Variants in RAPGEF2 observed in about 807,000 individuals in gnomAD.
RAPGEF2 encodes PDZ domain containing guanine nucleotide exchange factor (GEF) 1.
In RAPGEF2, 54 loss-of-function variants were observed where a neutral mutation model predicts 186.7. The ratio of observed to expected loss-of-function variants is 0.29; its 90% CI spans 0.23 to 0.36. RAPGEF2 has a LOEUF of 0.36. RAPGEF2 is among the 10% of genes least tolerant of loss of function. The pLI is 1.00. For missense variants in RAPGEF2, 1,532 were observed against 2,045.0 expected (o/e 0.75, Z 4.84); for synonymous variants, 712 against 705.9 (o/e 1.01, Z -0.14).
At chr4:159,223,336 A>G (rs1400907477) in intron 4 of RAPGEF2, among the ~76,000 whole-genome samples, 1 of 152,088 alleles carries the variant, frequency 6.6e-6, no homozygotes, top group African/African-American at 2.4e-5. Context: ...ACTTCTATCT[A>G]CTTTATTGAG....
intron 10 of RAPGEF2, 65 bp downstream of exon 10, chr4:159,322,548 C>A: frequency 2.2e-6 from 3 of 1,391,284 alleles, no homozygotes; most frequent in Non-Finnish European, 3.0e-6. Flanking sequence ...AGCAATTGAA[C>A]AAAACCCCAA....
intron 3 of RAPGEF2, among the ~76,000 whole-genome samples, chr4:159,202,050 C>T (rs1284747915): frequency 6.6e-6 from 1 of 152,160 alleles, no homozygotes; most frequent in Non-Finnish European, 1.5e-5. Context: ...GTATTTGATG[C>T]TATATGTGGT....
Position 159,341,903 on chromosome 4 carries a change from C to T in RAPGEF2, c.2874C>T (p.His958=), listed in dbSNP as rs1343259062. 7 of 1,605,454 alleles carry T rather than the reference C, an allele frequency of 4.4e-6. No individual in the cohort carries two copies. Among genetic ancestry groups the T allele is most frequent in the Admixed American group, 3.5e-5 (2 of 57,950 alleles). ...IIKHFIKIAL[H]CRECKNFNSM... ...AGCATTTCATCAAGATAGCACTGCA[C>T]TGTAGGGAATGCAAGAATTTTAACT... is the stretch of plus-strand genomic sequence containing the variant. The change falls in exon 20 of 30, where the codon CAC becomes CAT. Residue 958 remains histidine (H), a synonymous_variant. Coordinates refer to ENST00000691494, the MANE Select transcript of RAPGEF2 (RefSeq NM_001394067.2).
intron 26 of RAPGEF2, chr4:159,351,116 C>T: frequency 6.5e-7 from 1 of 1,535,138 alleles, no homozygotes; most frequent in Non-Finnish European, 8.7e-7. Flanking sequence ...TTAACCAGTT[C>T]CTCCTCTTCT....
intron 7 of RAPGEF2, among the ~76,000 whole-genome samples, chr4:159,263,741 G>A (rs182648924): frequency 3.9e-5 from 6 of 152,094 alleles, no homozygotes; most frequent in African/African-American, 1.4e-4. Context: ...CACTGTATAT[G>A]TTCTAAGTGT....
chr4:159,210,013 G>A (rs997174431), intron 3 of RAPGEF2, among the ~76,000 whole-genome samples: 1 of 152,082 alleles, frequency 6.6e-6, no homozygotes, highest in African/African-American at 2.4e-5. Context: ...TGTCTTTTCT[G>A]TAACAAAGAA....
At chr4:159,181,919 G>A (rs1171227098) in intron 1 of RAPGEF2, among the ~76,000 whole-genome samples, 1 of 152,104 alleles carries the variant, frequency 6.6e-6, no homozygotes, top group Non-Finnish European at 1.5e-5. Flanking sequence ...TGAACTTTAG[G>A]ATTATCCAGA....
chr4:159,358,078 T>G (rs767865338), intron 29 of RAPGEF2, 36 bp from the exon 30 acceptor site: 2 of 1,603,896 alleles, frequency 1.2e-6, no homozygotes, highest in Non-Finnish European at 1.7e-6. Context: ...ACTTGCTTGC[T>G]CATTGATTTC....
At chr4:159,112,044 T>G (rs1738551805) in intron 1 of RAPGEF2, among the ~76,000 whole-genome samples, 3 of 152,206 alleles carry the variant, frequency 2.0e-5, no homozygotes, top group African/African-American at 7.2e-5. Flanking sequence ...ACTTTGTCAT[T>G]TCAAAAATGT....
At chr4:159,206,396 G>A (rs75148392) in intron 3 of RAPGEF2, among the ~76,000 whole-genome samples, 3,035 of 152,250 alleles carry the variant, frequency 0.02, 34 homozygotes, top group Middle Eastern at 0.071. Context: ...GTTGGGCACC[G>A]TCTGTACTAT....
At chr4:159,129,732 A>G (rs562824372) in intron 1 of RAPGEF2, among the ~76,000 whole-genome samples, 37 of 152,202 alleles carry the variant, frequency 2.4e-4, no homozygotes, top group Middle Eastern at 3.4e-3. Context: ...TTTAGTTAGG[A>G]TGTTTTTCTC....
At chr4:159,142,145 A>T (rs1158889623) in intron 1 of RAPGEF2, among the ~76,000 whole-genome samples, 1 of 152,188 alleles carries the variant, frequency 6.6e-6, no homozygotes, top group Non-Finnish European at 1.5e-5. Flanking sequence ...TAATTTGGGT[A>T]TTTATTTATT....
At position 159,296,966 on chromosome 4, in the gene RAPGEF2, TATTG is replaced by T. The variant is rs201858652; in HGVS notation, c.544-7372_544-7369del. 9.9e-3 allele frequency among the ~76,000 whole-genome samples: 1,512 copies of T among 152,334 alleles called. 9 individuals are homozygous for T. The highest frequency in any genetic ancestry group is 0.034 in the East Asian group (177 of 5,188). ...AGCCAGTTTTCAACCAGTTCACTAATATTGATTATTTATTTTCCTCATCGGGGTC... is the reference window on the plus strand; with the variant it reads ...AGCCAGTTTTCAACCAGTTCACTAATATTATTTATTTTCCTCATCGGGGTC... On this transcript the variant is annotated intron_variant, in intron 7 of 29. Coordinates refer to ENST00000691494, the MANE Select transcript of RAPGEF2 (RefSeq NM_001394067.2).
chr4:159,305,936 C>G (rs540391698), intron 8 of RAPGEF2, among the ~76,000 whole-genome samples: 1 of 151,084 alleles, frequency 6.6e-6, no homozygotes, highest in South Asian at 2.1e-4. Context: ...AGTATATGTT[C>G]TTCTTGGCTT....
At chr4:159,201,384 C>T (rs559533408) in intron 3 of RAPGEF2, among the ~76,000 whole-genome samples, 9 of 152,156 alleles carry the variant, frequency 5.9e-5, no homozygotes, top group Non-Finnish European at 8.8e-5. Context: ...ATAGAAAATC[C>T]TGTTCAGCCC....
intron 7 of RAPGEF2, among the ~76,000 whole-genome samples, chr4:159,277,770 GTTGT>G (rs1355178169): frequency 1.3e-5 from 2 of 152,116 alleles, no homozygotes; most frequent in Non-Finnish European, 2.9e-5. Flanking sequence ...TTTTTATGGG[GTTGT>G]TTGATTTTTT....
intron 1 of RAPGEF2, among the ~76,000 whole-genome samples, chr4:159,121,845 A>G (rs1053958362): frequency 6.6e-6 from 1 of 150,438 alleles, no homozygotes; most frequent in African/African-American, 2.4e-5. Flanking sequence ...CCTGGTTAAC[A>G]TGGTGAAACC....
intron 1 of RAPGEF2, among the ~76,000 whole-genome samples, chr4:159,119,971 T>C (rs60874891): frequency 2.0e-5 from 3 of 152,226 alleles, no homozygotes; most frequent in Non-Finnish European, 4.4e-5. Context: ...GTCATTTTTT[T>C]AGGACTTCAG....
chr4:159,188,691 A>G (rs2111300985), intron 2 of RAPGEF2, among the ~76,000 whole-genome samples: 1 of 152,074 alleles, frequency 6.6e-6, no homozygotes, highest in African/African-American at 2.4e-5. Flanking sequence ...AAAGAAAAAA[A>G]AGAAAAGGTA....
Sources: allele counts gnomAD v4.1 joint callset (sites outside exome capture counted in the v4.1 genomes callset), GRCh38; gene constraint gnomAD v4.1.1; transcripts MANE v1.5; gene names NCBI Gene and HGNC (gene_info 2026-07-23, HGNC 2026-07-21).